The following NTNG2 variants were observed in gnomAD, a reference collection of about 807,000 sequenced individuals.
NTNG2 encodes netrin-G2.
NTNG2 carries 15 observed loss-of-function variants against 47.6 expected under a neutral mutation model. The ratio of observed to expected loss-of-function variants is 0.32; its 90% confidence interval spans 0.21 to 0.49. The LOEUF is 0.49. Ranked by LOEUF, NTNG2 falls within the 20% of genes least tolerant of loss-of-function variation. The probability of loss-of-function intolerance (pLI) is 0.99; values close to 1 mark genes in which losing one functional copy is unlikely to be tolerated. For missense variants in NTNG2, 578 were observed against 764.6 expected, an observed-to-expected ratio of 0.76 and a Z score of 2.88; for synonymous variants, 307 against 324.6, an observed-to-expected ratio of 0.95 and a Z score of 0.58.
At chr9:132,161,891 C>G (rs1013561330), upstream of NTNG2, 1 of 150,746 alleles carries the variant, frequency 6.6e-6, no homozygotes, top group African/African-American at 2.4e-5. The surrounding 1 kb of genome is among the most constrained non-coding windows in gnomAD (Gnocchi z 7.2). Flanking sequence ...GAGCGCGGGT[C>G]CTCCCCGGGC....
rs1469505654 is a variant in NTNG2 at position 132,166,717 on chromosome 9, G to A, written c.-115G>A. On this transcript the variant is annotated 5_prime_UTR_variant, in exon 2 of 8. Transcript: ENST00000393229. Reference sequence around the variant, plus strand: ...AGTGCTCGGGTCCCTGGGACACCCCGGCCACCCTCGCCTGGTAGATGTGGC... The same window carrying A: ...AGTGCTCGGGTCCCTGGGACACCCCAGCCACCCTCGCCTGGTAGATGTGGC... 17 of 965,814 alleles carry A rather than the reference G, an allele frequency of 1.8e-5. No homozygotes were observed. The highest frequency in any genetic ancestry group is 2.7e-5 in the South Asian group (2 of 73,316). 59.8% of individuals were successfully genotyped at this position (965,814 alleles called of 1,614,324 possible).
chr9:132,195,474 A>ATTTTTTTT (rs56733654), intron 2 of NTNG2, among the ~76,000 whole-genome samples: 1 of 80,118 alleles, frequency 1.2e-5, no homozygotes, highest in African/African-American at 5.1e-5. Flanking sequence ...ACGCCTGGCT[A>ATTTTTTTT]TTTTTTTTTT....
rs1033679627 is a variant in NTNG2 at position 132,230,681 on chromosome 9, G to C, written c.1054+86G>C. On this transcript the variant is annotated intron_variant, in intron 5 of 7. Transcript: ENST00000393229. ...CTGGAAAAAGCTGGAGAGAAAAAAGGGGCTTCAGTGTCCCCTCTGGGACTT... is the reference window on the plus strand; with the variant it reads ...CTGGAAAAAGCTGGAGAGAAAAAAGCGGCTTCAGTGTCCCCTCTGGGACTT... The C allele has an allele frequency of 3.6e-6, 5 of 1,400,400 alleles. No homozygotes were observed. The African/African-American group carries it at 7.1e-5, about 20-fold the overall frequency. 86.7% of individuals were successfully genotyped at this position (1,400,400 alleles called of 1,614,324 possible).
intron 2 of NTNG2, among the ~76,000 whole-genome samples, chr9:132,177,127 C>T (rs1259395983): frequency 6.6e-6 from 1 of 152,188 alleles, no homozygotes; most frequent in Non-Finnish European, 1.5e-5. Context: ...GCTGGGATTA[C>T]AGGTACACAC....
Position 132,240,685 on chromosome 9 carries a change from G to A in NTNG2, c.1223-225G>A. ...GTGCCAGGGCGGGGAAGGTGGGGCT[G>A]GGACGTGTTTGATCCCAAGGAAGGA... is the stretch of plus-strand genomic sequence containing the variant. On this transcript the variant is annotated intron_variant, in intron 6 of 7. Transcript: ENST00000393229. The A allele has an allele frequency of 4.8e-6, 3 of 627,320 alleles. No individual in the cohort carries two copies. In the South Asian group the frequency reaches 5.8e-5, roughly 12 times the overall value. The allele number at this position is 627,320 out of a possible 1,614,324, so 38.9% of individuals were successfully genotyped here. A position where few individuals can be genotyped will look rare whatever the true frequency, so the allele number is the denominator to read the frequency against.
rs1486985219 is a variant in NTNG2 at position 132,242,192 on chromosome 9, C to A, written c.*81C>A. On this transcript the variant is annotated 3_prime_UTR_variant, in exon 8 of 8. Transcript: ENST00000393229. This position sits in a 1 kb window ranked among gnomAD's most constrained non-coding sequence, Gnocchi z 5.9. ...GGCGGGGCCGGCGTCCGAGGCCGGG[C>A]GGTGAGAAGGGTGCGGCCCGAGGTG... The A allele has an allele frequency of 1.5e-6, 1 of 647,532 alleles. No homozygotes were observed. The highest frequency in any genetic ancestry group is 2.0e-6 in the Non-Finnish European group (1 of 507,978). 40.1% of individuals were successfully genotyped at this position (647,532 alleles called of 1,614,324 possible).
chr9:132,212,887 A>G (rs1332830015), intron 3 of NTNG2, among the ~76,000 whole-genome samples: 1 of 151,966 alleles, frequency 6.6e-6, no homozygotes, highest in Non-Finnish European at 1.5e-5. Flanking sequence ...GCTGCTGCCC[A>G]TCTCCCCACA....
At chr9:132,229,514 C>T (rs1224079399) in intron 4 of NTNG2, among the ~76,000 whole-genome samples, 2 of 152,338 alleles carry the variant, frequency 1.3e-5, no homozygotes, top group Non-Finnish European at 2.9e-5. Flanking sequence ...CTCCAGGGCC[C>T]AACTTGGAGC....
intron 3 of NTNG2, among the ~76,000 whole-genome samples, chr9:132,223,195 A>T (rs1437338218): frequency 2.0e-5 from 3 of 152,144 alleles, no homozygotes; most frequent in Non-Finnish European, 4.4e-5. Context: ...CAGAGAGAAG[A>T]CCCCAAGGAG....
Position 132,215,078 on chromosome 9 carries a change from G to T in NTNG2, c.858-11771G>T, listed in dbSNP as rs763446373. 3.0e-4 allele frequency among the ~76,000 whole-genome samples: 7 copies of T among 23,022 alleles called. No homozygotes were observed. The highest frequency in any genetic ancestry group is 1.0e-3 in the African/African-American group (3 of 2,986). 15.1% of individuals were successfully genotyped at this position (23,022 alleles called of 152,430 possible). ...TTTTTTTAATTTTTTTGTAGAGATT[G>T]GGGGGGGGGGTCTCACTTTCTTGCC... On this transcript the variant is annotated intron_variant, in intron 3 of 7. Transcript: ENST00000393229. The surrounding 1 kb of genome is among the most constrained non-coding windows in gnomAD (Gnocchi z 4.2).
chr9:132,203,798 G>C (rs568919780), intron 3 of NTNG2, among the ~76,000 whole-genome samples: 26 of 152,252 alleles, frequency 1.7e-4, no homozygotes, highest in African/African-American at 5.5e-4. Flanking sequence ...GCCCACTCCA[G>C]ACCTGGGAGT....
intron 3 of NTNG2, among the ~76,000 whole-genome samples, chr9:132,216,943 C>T (rs1001781326): frequency 3.3e-5 from 5 of 152,178 alleles, no homozygotes; most frequent in Admixed American, 3.3e-4. Context: ...GGGCAGCAGG[C>T]ATGGGGGCAT....
At chr9:132,219,223 A>G (rs1363368340) in intron 3 of NTNG2, among the ~76,000 whole-genome samples, 1 of 151,102 alleles carries the variant, frequency 6.6e-6, no homozygotes, top group East Asian at 1.9e-4. Context: ...CTCAAAACAA[A>G]AAAAAAAAAG....
In NTNG2 at chr9:132,236,116, G is replaced by A. The variant is rs1276626786; in HGVS notation, c.1055-2988G>A. 6.6e-6 allele frequency among the ~76,000 whole-genome samples: 1 copy of A among 152,204 alleles called. No homozygotes were observed. Among genetic ancestry groups the A allele is most frequent in the Non-Finnish European group, 1.5e-5 (1 of 68,022 alleles). The stretch of plus-strand genomic sequence containing the variant: ...TCACAGGACACCTGGGCAGTTGCTG[G>A]ATCAGAGAGTCAGAGGGGGCTTCCT... On this transcript the variant is annotated intron_variant, in intron 5 of 7. Transcript: ENST00000393229. This position sits in a 1 kb window ranked among gnomAD's most constrained non-coding sequence, Gnocchi z 4.3.
chr9:132,242,837 A>G lies in NTNG2; in HGVS notation c.*726A>G, dbSNP rs1187739478. The G allele has an allele frequency of 6.6e-6, 1 of 152,292 alleles. No homozygotes were observed. Among genetic ancestry groups the G allele is most frequent in the Non-Finnish European group, 1.5e-5 (1 of 68,110 alleles). 9.4% of individuals were successfully genotyped at this position (152,292 alleles called of 1,614,324 possible). ...AAAGAGTTTGCTCACTGCTGCCTCC[A>G]CGGCCTGTTTTCTTTCTGTGTTGGG... On this transcript the variant is annotated 3_prime_UTR_variant, in exon 8 of 8. Transcript: ENST00000393229. This position sits in a 1 kb window ranked among gnomAD's most constrained non-coding sequence, Gnocchi z 5.9.
chr9:132,171,887 G>A lies in NTNG2; in HGVS notation c.213+4843G>A, dbSNP rs147666298. Among the ~76,000 whole-genome samples, 1,350 of 152,252 alleles carry A rather than the reference G, an allele frequency of 8.9e-3. 9 individuals carry two copies. The highest frequency in any genetic ancestry group is 0.014 in the Admixed American group (220 of 15,290). Reference sequence around the variant, plus strand: ...TTCTGGCCCCAGCCTCCCTCCTCTCGCCGTCACAACCCTCCAGTCGGCAGA... The same window carrying A: ...TTCTGGCCCCAGCCTCCCTCCTCTCACCGTCACAACCCTCCAGTCGGCAGA... On this transcript the variant is annotated intron_variant, in intron 2 of 7. Coordinates refer to ENST00000393229, the MANE Select transcript of NTNG2 (RefSeq NM_032536.4).
chr9:132,169,336 CAGGGCTGGCTTTTGG>C (rs1276084085), intron 2 of NTNG2, among the ~76,000 whole-genome samples: 3 of 152,208 alleles, frequency 2.0e-5, no homozygotes, highest in Non-Finnish European at 1.5e-5. Context: ...CAGCCTTTTG[CAGGGCTGGCTTTTGG>C]AGGGCTGGCT....
chr9:132,199,583 G>T (rs1229410948), intron 3 of NTNG2, among the ~76,000 whole-genome samples: 3 of 152,178 alleles, frequency 2.0e-5, no homozygotes, highest in Admixed American at 1.3e-4. Context: ...GGAGATGATG[G>T]TATAGGCATT....
Position 132,243,931 on chromosome 9 carries a change from G to A in NTNG2, c.*1820G>A, listed in dbSNP as rs989964691. ...CCGACAGGCCCTGCATCCTCCTGCA[G>A]CTGGCCCATCTCTACCCTCACATTC... On this transcript the variant is annotated 3_prime_UTR_variant, in exon 8 of 8. Coordinates refer to ENST00000393229, the MANE Select transcript of NTNG2 (RefSeq NM_032536.4). 1 of 152,498 alleles carries A rather than the reference G, an allele frequency of 6.6e-6. No homozygotes were observed. Among genetic ancestry groups the A allele is most frequent in the East Asian group, 1.9e-4 (1 of 5,202 alleles). The allele number at this position is 152,498 out of a possible 1,614,324, so 9.4% of individuals were successfully genotyped here.
Sources: allele counts gnomAD v4.1 joint callset (sites outside exome capture counted in the v4.1 genomes callset), GRCh38; gene constraint gnomAD v4.1.1; non-coding constraint Gnocchi (gnomAD v3.1); transcripts MANE v1.5; gene names NCBI Gene and HGNC (gene_info 2026-07-23, HGNC 2026-07-21).